The following KAZN variants were observed in gnomAD, a reference collection of about 807,000 sequenced individuals.
KAZN encodes the protein kazrin.
A neutral mutation model predicts 87.4 loss-of-function variants in KAZN; 40 were observed. The ratio of observed to expected loss-of-function variants is 0.46; its 90% confidence interval spans 0.36 to 0.60. The LOEUF is 0.60. Among genes scored for constraint, KAZN ranks in the 20% least tolerant of loss-of-function variants. The pLI is 0.00. For synonymous variants in KAZN, 466 were observed against 458.3 expected (o/e 1.02, Z -0.22); for missense variants, 898 against 1,073.9 (o/e 0.84, Z 2.29).
intron 1 of KAZN, among the ~76,000 whole-genome samples, chr1:13,978,064 G>C (rs1226850566): frequency 7.3e-6 from 1 of 137,920 alleles, no homozygotes; most frequent in Non-Finnish European, 1.5e-5. Context: ...GGAGGCGGAG[G>C]TTGCAGTGAG....
At chr1:14,583,273 A>T (rs1557815517) in intron 2 of KAZN, among the ~76,000 whole-genome samples, 1 of 152,182 alleles carries the variant, frequency 6.6e-6, no homozygotes, top group Non-Finnish European at 1.5e-5. Context: ...TGCCTCTTGT[A>T]GGTGTATGCT....
chr1:13,951,825 G>T (rs1641357333), intron 1 of KAZN, among the ~76,000 whole-genome samples: 1 of 152,038 alleles, frequency 6.6e-6, no homozygotes, highest in South Asian at 2.1e-4. Context: ...CCCACTTTCT[G>T]CTTTTATAAA....
chr1:14,555,976 G>A (rs1486234819), intron 2 of KAZN, among the ~76,000 whole-genome samples: 1 of 152,218 alleles, frequency 6.6e-6, no homozygotes, highest in Non-Finnish European at 1.5e-5. Context: ...ACATCAGAGA[G>A]CAATGGTGTG....
intron 1 of KAZN, among the ~76,000 whole-genome samples, chr1:14,682,605 T>C (rs1344475010): frequency 6.6e-6 from 1 of 152,158 alleles, no homozygotes; most frequent in Non-Finnish European, 1.5e-5. Context: ...CCTTCTTTTT[T>C]AAGGCAGAGT....
intron 2 of KAZN, among the ~76,000 whole-genome samples, chr1:14,962,210 G>T (rs1165759016): frequency 6.6e-6 from 1 of 152,230 alleles, no homozygotes; most frequent in Non-Finnish European, 1.5e-5. Context: ...AGAAAGCCTG[G>T]GAAGTCCTCA....
intron 1 of KAZN, among the ~76,000 whole-genome samples, chr1:14,049,780 AG>A (rs1300757908): frequency 6.6e-6 from 1 of 152,166 alleles, no homozygotes; most frequent in Non-Finnish European, 1.5e-5. Flanking sequence ...GGTGATAGTG[AG>A]GGAAACCAGA....
rs1023779540 is a variant in KAZN at position 15,114,886 on chromosome 1, CAG to C, written c.*252_*253del. The C allele has an allele frequency of 2.6e-6, 1 of 391,998 alleles. No homozygotes were observed. The highest frequency in any genetic ancestry group is 2.0e-5 in the African/African-American group (1 of 50,084). The allele number at this position is 391,998 out of a possible 1,614,324, so 24.3% of individuals were successfully genotyped here. On this transcript the variant is annotated 3_prime_UTR_variant, in exon 15 of 15. Transcript: ENST00000376030. ...GGAGATGGGCCCAGAGGACCTGTCA[CAG>C]TGTCCGGCCCTGCCTCCATCCAGGA...
At chr1:14,510,268 C>T (rs527771271) in intron 2 of KAZN, among the ~76,000 whole-genome samples, 2 of 152,078 alleles carry the variant, frequency 1.3e-5, no homozygotes, top group East Asian at 1.9e-4. Context: ...ATCCCAGCTA[C>T]TCGGGTGGCA....
intron 2 of KAZN, among the ~76,000 whole-genome samples, chr1:14,201,240 C>G (rs983263551): frequency 1.3e-5 from 2 of 152,178 alleles, no homozygotes; most frequent in Admixed American, 1.3e-4. Context: ...CGTCTTTCCT[C>G]TTTCCTTTTC....
chr1:14,218,832 C>A (rs983930116), intron 2 of KAZN, among the ~76,000 whole-genome samples: 2 of 151,940 alleles, frequency 1.3e-5, no homozygotes, highest in Non-Finnish European at 2.9e-5. Flanking sequence ...CAACTAATAA[C>A]TAAATGAAGA....
At chr1:14,154,996 T>TCCTTCCTTCCTTCCTTCC (rs1553136611) in intron 1 of KAZN, among the ~76,000 whole-genome samples, 33 of 149,940 alleles carry the variant, frequency 2.2e-4, no homozygotes, top group African/African-American at 5.6e-4. Context: ...CTTCCTTCCT[T>TCCTTCCTTCCTTCCTTCC]TTTCTGATGT....
chr1:15,037,569 G>C (rs1210005988), intron 3 of KAZN, among the ~76,000 whole-genome samples: 1 of 151,420 alleles, frequency 6.6e-6, no homozygotes, highest in Admixed American at 6.6e-5. Flanking sequence ...GGGGGTAGGG[G>C]CATATGCCTG....
chr1:14,713,797 A>AAAAAAAAAAAAAAAAGAAAGAAAG (rs1553215138), intron 1 of KAZN, among the ~76,000 whole-genome samples: 3 of 95,648 alleles, frequency 3.1e-5, no homozygotes, highest in African/African-American at 1.3e-4. Context: ...AAAAAAAAAA[A>AAAAAAAAAAAAAAAAGAAAGAAAG]AAAGAAAGAA....
chr1:14,858,133 A>T (rs952675809), intron 1 of KAZN, among the ~76,000 whole-genome samples: 5 of 150,360 alleles, frequency 3.3e-5, no homozygotes, highest in African/African-American at 1.2e-4. Context: ...TCAGTACTTC[A>T]TTCCTTTTTT....
chr1:15,011,767 C>G (rs1380806065), intron 2 of KAZN, among the ~76,000 whole-genome samples: 1 of 152,174 alleles, frequency 6.6e-6, no homozygotes, highest in African/African-American at 2.4e-5. Context: ...ATAAATCCCT[C>G]GAGAGCAGGG....
intron 2 of KAZN, among the ~76,000 whole-genome samples, chr1:14,366,298 T>A (rs1292554368): frequency 6.6e-6 from 1 of 152,242 alleles, no homozygotes; most frequent in African/African-American, 2.4e-5. Flanking sequence ...TCGTAGCTCA[T>A]CTTCATTGAA....
chr1:15,108,420 G>A (rs1003607608), intron 13 of KAZN, among the ~76,000 whole-genome samples: 2 of 152,168 alleles, frequency 1.3e-5, no homozygotes, highest in Non-Finnish European at 2.9e-5. Flanking sequence ...CGCCATCATC[G>A]TGTGATTTTA....
intron 1 of KAZN, among the ~76,000 whole-genome samples, chr1:14,670,870 G>T (rs1639875423): frequency 6.6e-6 from 1 of 152,146 alleles, no homozygotes; most frequent in Non-Finnish European, 1.5e-5. Context: ...CTCGACAAGG[G>T]GTGACTTACC....
At chr1:14,324,049 A>G (rs541421738) in intron 2 of KAZN, among the ~76,000 whole-genome samples, 2 of 152,310 alleles carry the variant, frequency 1.3e-5, no homozygotes, top group South Asian at 4.1e-4. Flanking sequence ...TGCAGCCCAC[A>G]GCAACCTGTG....
Sources: allele counts gnomAD v4.1 joint callset (sites outside exome capture counted in the v4.1 genomes callset), GRCh38; gene constraint gnomAD v4.1.1; transcripts MANE v1.5; gene names NCBI Gene and HGNC (gene_info 2026-07-23, HGNC 2026-07-21).